Variants in RIMS2 observed in about 807,000 individuals in gnomAD.
RIMS2 encodes the protein regulating synaptic membrane exocytosis 2, also known as regulating synaptic membrane exocytosis protein 2.
In RIMS2, 59 loss-of-function variants were observed where a neutral mutation model predicts 174.4. The ratio of observed to expected loss-of-function variants is 0.34; its 90% CI spans 0.27 to 0.42. The LOEUF (loss-of-function observed/expected upper bound fraction) is 0.42, where lower values mean the gene tolerates loss of function less well. RIMS2 is among the 10% of genes least tolerant of loss of function. RIMS2 has a pLI of 1.00. For synonymous variants in RIMS2, 606 were observed against 572.5 expected, an observed-to-expected ratio of 1.06 and a Z score of -0.84; for missense variants, 1,620 against 1,666.3, an observed-to-expected ratio of 0.97 and a Z score of 0.48.
intron 1 of RIMS2, among the ~76,000 whole-genome samples, chr8:103,684,539 T>TTTTAA (rs1554742033): frequency 1.5e-5 from 2 of 134,414 alleles, no homozygotes; most frequent in Non-Finnish European, 3.2e-5. Context: ...GTTCATACTT[T>TTTTAA]TTTTATTTTA....
chr8:104,022,783 T>A (rs2096138146), intron 19 of RIMS2, among the ~76,000 whole-genome samples: 2 of 152,202 alleles, frequency 1.3e-5, no homozygotes, highest in African/African-American at 4.8e-5. Flanking sequence ...AAATTTGTTT[T>A]TATACACACA....
Position 103,703,324 on chromosome 8 carries a change from A to T in RIMS2, c.387+6028A>T, listed in dbSNP as rs183227918. Among the ~76,000 whole-genome samples, 136 of 152,074 alleles carry T rather than the reference A, an allele frequency of 8.9e-4. 1 individual carries two copies. Among genetic ancestry groups the T allele is most frequent in the African/African-American group, 3.3e-3 (135 of 41,508 alleles). On this transcript the variant is annotated intron_variant, in intron 2 of 23. Coordinates refer to ENST00000504942, the Ensembl canonical transcript of RIMS2. The stretch of plus-strand genomic sequence containing the variant: ...ACAATCGTGGCTCACTGCAGCCTCT[A>T]CCTCGCAGATTCACATGATTCTCCT...
At chr8:103,808,517 G>A (rs1416021424) in intron 3 of RIMS2, among the ~76,000 whole-genome samples, 1 of 152,104 alleles carries the variant, frequency 6.6e-6, no homozygotes, top group Non-Finnish European at 1.5e-5. Context: ...ACTGCAGAGT[G>A]ACATATTTAA....
intron 1 of RIMS2, among the ~76,000 whole-genome samples, chr8:103,549,516 A>G (rs959983359): frequency 1.7e-4 from 26 of 152,220 alleles, no homozygotes; most frequent in Admixed American, 6.5e-4. Flanking sequence ...CTGCAAAAAC[A>G]TGCCAAATTG....
At chr8:104,001,220 A>C (rs571790628) in intron 17 of RIMS2, among the ~76,000 whole-genome samples, 1 of 152,042 alleles carries the variant, frequency 6.6e-6, no homozygotes, top group African/African-American at 2.4e-5. Flanking sequence ...ATTTTAAAAT[A>C]TCTGGAAGAG....
chr8:103,871,477 A>T (rs1036342686), intron 3 of RIMS2, among the ~76,000 whole-genome samples: 14 of 152,072 alleles, frequency 9.2e-5, no homozygotes, highest in Non-Finnish European at 1.6e-4. Flanking sequence ...AAATGTGTAG[A>T]TTCAGTTATA....
At chr8:103,785,672 C>G (rs965725202) in intron 3 of RIMS2, among the ~76,000 whole-genome samples, 2 of 152,022 alleles carry the variant, frequency 1.3e-5, no homozygotes, top group Non-Finnish European at 2.9e-5. Context: ...TTCGTTTAGC[C>G]AGTATTTTAT....
At chr8:103,515,386 G>A (rs984780180) in intron 1 of RIMS2, among the ~76,000 whole-genome samples, 8 of 152,118 alleles carry the variant, frequency 5.3e-5, no homozygotes, top group African/African-American at 4.8e-5. Flanking sequence ...ACTCAGTTAA[G>A]CCATTTTTTG....
chr8:103,783,224 C>T (rs763791507), intron 3 of RIMS2, among the ~76,000 whole-genome samples: 3 of 151,706 alleles, frequency 2.0e-5, no homozygotes, highest in Non-Finnish European at 4.4e-5. Context: ...GTGTTCCCTA[C>T]CAGGTGGCCT....
intron 19 of RIMS2, among the ~76,000 whole-genome samples, chr8:104,032,826 A>G (rs1284291145): frequency 6.6e-6 from 1 of 152,082 alleles, no homozygotes; most frequent in African/African-American, 2.4e-5. Flanking sequence ...CTAGTCTTTA[A>G]CAAGTATTTG....
intron 19 of RIMS2, among the ~76,000 whole-genome samples, chr8:104,036,101 C>A (rs2096507675): frequency 6.6e-6 from 1 of 151,666 alleles, no homozygotes; most frequent in Non-Finnish European, 1.5e-5. Context: ...TGATAAACAG[C>A]ATGCTATAGT....
chr8:103,752,011 A>G (rs2097899748), intron 2 of RIMS2, among the ~76,000 whole-genome samples: 1 of 152,212 alleles, frequency 6.6e-6, no homozygotes, highest in Admixed American at 6.5e-5. Flanking sequence ...TGTTTTAGAC[A>G]TGAAGTCCTT....
chr8:103,647,455 G>A (rs2096361947), intron 1 of RIMS2, among the ~76,000 whole-genome samples: 1 of 152,132 alleles, frequency 6.6e-6, no homozygotes, highest in African/African-American at 2.4e-5. Context: ...AGTTAGAGGG[G>A]AGACCCTCCT....
At chr8:103,626,216 G>A (rs1307271790) in intron 1 of RIMS2, among the ~76,000 whole-genome samples, 1 of 152,130 alleles carries the variant, frequency 6.6e-6, no homozygotes, top group Admixed American at 6.6e-5. Flanking sequence ...ATTGTTGAAT[G>A]TTGAAAACCT....
chr8:103,613,903 G>T (rs1460262678), intron 1 of RIMS2, among the ~76,000 whole-genome samples: 1 of 152,188 alleles, frequency 6.6e-6, no homozygotes, highest in Non-Finnish European at 1.5e-5. Context: ...GGCTGAGTAG[G>T]TATGTATTCA....
At chr8:104,168,781 G>T (rs2098813110) in intron 19 of RIMS2, among the ~76,000 whole-genome samples, 1 of 152,084 alleles carries the variant, frequency 6.6e-6, no homozygotes, top group African/African-American at 2.4e-5. Context: ...TTGGCTGTGG[G>T]TTTGTCATAG....
At chr8:104,021,004 A>G (rs2096071874) in intron 19 of RIMS2, among the ~76,000 whole-genome samples, 1 of 152,032 alleles carries the variant, frequency 6.6e-6, no homozygotes, top group East Asian at 1.9e-4. Flanking sequence ...TTGATTTAGA[A>G]TATTAGCATT....
At chr8:104,146,181 C>T (rs1376688840) in intron 19 of RIMS2, among the ~76,000 whole-genome samples, 1 of 118,460 alleles carries the variant, frequency 8.4e-6, no homozygotes, top group Non-Finnish European at 1.6e-5. Flanking sequence ...CCGGGCAACA[C>T]AGTGAGAACC....
chr8:103,515,623 T>C (rs556429649), intron 1 of RIMS2, among the ~76,000 whole-genome samples: 59 of 152,242 alleles, frequency 3.9e-4, no homozygotes, highest in African/African-American at 1.4e-3. Context: ...TTTGATAACA[T>C]TTAATGTGGA....
Sources: allele counts gnomAD v4.1 joint callset (sites outside exome capture counted in the v4.1 genomes callset), GRCh38; gene constraint gnomAD v4.1.1; transcripts MANE v1.5; gene names NCBI Gene and HGNC (gene_info 2026-07-23, HGNC 2026-07-21).